GALNT13: variants seen among roughly 807,000 people sequenced by gnomAD.
GALNT13 encodes UDP-GalNAc:polypeptide N-acetylgalactosaminyltransferase 13.
Under a neutral mutation model 64.2 loss-of-function variants are expected in GALNT13, and 28 were observed. That is an observed-to-expected ratio of 0.44 (90% CI 0.32 to 0.60). GALNT13 has a LOEUF of 0.60. Among genes scored for constraint, GALNT13 ranks in the 20% least tolerant of loss-of-function variants. GALNT13 has a pLI of 0.05. For missense variants in GALNT13, 577 were observed against 669.8 expected, an observed-to-expected ratio of 0.86 and a Z score of 1.53; for synonymous variants, 214 against 224.6, an observed-to-expected ratio of 0.95 and a Z score of 0.42.
chr2:153,106,346 C>T, the GALNT13 span, among the ~76,000 whole-genome samples: 4 of 152,072 alleles, frequency 2.6e-5, no homozygotes, highest in African/African-American at 9.7e-5. Context: ...CTTTTCTGAA[C>T]TTAACCCGTC....
chr2:153,402,627 C>A, the GALNT13 span, among the ~76,000 whole-genome samples: 1 of 152,066 alleles, frequency 6.6e-6, no homozygotes, highest in African/African-American at 2.4e-5. Flanking sequence ...TTTCTCATTT[C>A]TTTTTATTCT....
At chr2:154,167,361 G>A (rs1046657549) in intron 4 of GALNT13, among the ~76,000 whole-genome samples, 1 of 151,988 alleles carries the variant, frequency 6.6e-6, no homozygotes, top group Non-Finnish European at 1.5e-5. Flanking sequence ...GGCACATATA[G>A]CACTTTTAAA....
At chr2:153,377,856 C>T in the GALNT13 span, among the ~76,000 whole-genome samples, 4 of 151,942 alleles carry the variant, frequency 2.6e-5, no homozygotes, top group Non-Finnish European at 5.9e-5. Flanking sequence ...AAAGAGAGTT[C>T]GAGAACCAGC....
intron 3 of GALNT13, among the ~76,000 whole-genome samples, chr2:153,993,106 G>A (rs771812445): frequency 1.3e-5 from 2 of 151,882 alleles, no homozygotes; most frequent in Non-Finnish European, 2.9e-5. Context: ...ATATATTTAC[G>A]ACTAATATAT....
chr2:154,236,007 T>A, intron 4 of GALNT13: 1 of 1,146,956 alleles, frequency 8.7e-7, no homozygotes, highest in Non-Finnish European at 1.2e-6. Context: ...CCAAAGTAGA[T>A]CAGCTGGATT....
At chr2:153,644,589 C>T in the GALNT13 span, among the ~76,000 whole-genome samples, 1 of 151,928 alleles carries the variant, frequency 6.6e-6, no homozygotes. Context: ...TACTACTTGT[C>T]CTGGCCCCTA....
the GALNT13 span, among the ~76,000 whole-genome samples, chr2:153,734,211 G>C: frequency 6.6e-6 from 1 of 152,130 alleles, no homozygotes; most frequent in Non-Finnish European, 1.5e-5. Context: ...TGCACTGTAA[G>C]ACATTGACCA....
rs1445253595 is a variant in GALNT13 at position 154,388,279 on chromosome 2, G to T, written c.1157-7712G>T. ...TAATCAGGTGTTCTCTTGTTTTTGA[G>T]TTGAGTTCCTCATGTATTTCAGATT... On this transcript the variant is annotated intron_variant, in intron 9 of 12. Coordinates refer to ENST00000392825, the MANE Select transcript of GALNT13 (RefSeq NM_052917.4). 2.0e-5 allele frequency among the ~76,000 whole-genome samples: 3 copies of T among 152,092 alleles called. No individual in the cohort carries two copies. In the East Asian group the frequency reaches 5.8e-4, roughly 29 times the overall value.
chr2:153,691,772 A>G, the GALNT13 span, among the ~76,000 whole-genome samples: 2 of 152,202 alleles, frequency 1.3e-5, no homozygotes, highest in African/African-American at 2.4e-5. Flanking sequence ...CTAGAACTCA[A>G]TACACTACTG....
At chr2:153,744,233 G>A in the GALNT13 span, among the ~76,000 whole-genome samples, 2 of 151,964 alleles carry the variant, frequency 1.3e-5, no homozygotes, top group South Asian at 2.1e-4. Context: ...TCAATTTTTA[G>A]TTTTTTTGAG....
chr2:153,630,798 T>C, the GALNT13 span, among the ~76,000 whole-genome samples: 1 of 13,492 alleles, frequency 7.4e-5, no homozygotes, highest in African/African-American at 2.4e-4. Context: ...TATATATATA[T>C]ATATATATAT....
chr2:153,522,188 G>A, the GALNT13 span, among the ~76,000 whole-genome samples: 1 of 151,984 alleles, frequency 6.6e-6, no homozygotes, highest in Non-Finnish European at 1.5e-5. Flanking sequence ...CAAAAAATTA[G>A]TCAGGTGTGG....
the GALNT13 span, among the ~76,000 whole-genome samples, chr2:153,353,228 GTTTT>G: frequency 1.3e-5 from 2 of 151,952 alleles, no homozygotes; most frequent in Admixed American, 1.3e-4. Context: ...TAATGTAAAT[GTTTT>G]TTTATTTCAA....
At chr2:154,160,932 G>C (rs188661544) in intron 4 of GALNT13, among the ~76,000 whole-genome samples, 174 of 152,248 alleles carry the variant, frequency 1.1e-3, no homozygotes, top group African/African-American at 4.1e-3. Flanking sequence ...GCTTCTTTTA[G>C]AATTTGGGGG....
Position 154,443,045 on chromosome 2 carries a change from A to G in GALNT13, c.1530+4319A>G, listed in dbSNP as rs1701382594. On this transcript the variant is annotated intron_variant, in intron 12 of 12. Transcript: ENST00000392825. The stretch of plus-strand genomic sequence containing the variant: ...CATCTTTTATTTACCTTTATTAGAG[A>G]GCAGGTAAATGGGATTATAATTTCA... Among the ~76,000 whole-genome samples the G allele has an allele frequency of 2.0e-5, 3 of 152,028 alleles. No individual in the cohort carries two copies. The South Asian group carries it at 6.2e-4, about 31-fold the overall frequency.
At chr2:154,393,341 C>CTTTT (rs1312776406) in intron 9 of GALNT13, among the ~76,000 whole-genome samples, 1 of 152,176 alleles carries the variant, frequency 6.6e-6, no homozygotes, top group Non-Finnish European at 1.5e-5. Context: ...GAAAAGAAAG[C>CTTTT]TCTCATACTT....
chr2:153,515,554 C>T, the GALNT13 span, among the ~76,000 whole-genome samples: 4 of 152,134 alleles, frequency 2.6e-5, no homozygotes, highest in African/African-American at 7.2e-5. Flanking sequence ...AAGGCAGCAT[C>T]GGTGAGCAAG....
the GALNT13 span, among the ~76,000 whole-genome samples, chr2:153,648,636 T>G: frequency 6.6e-6 from 1 of 152,144 alleles, no homozygotes; most frequent in African/African-American, 2.4e-5. Flanking sequence ...TTGAGATACG[T>G]CCCATCAATA....
chr2:153,593,237 C>A, the GALNT13 span: 1 of 152,202 alleles, frequency 6.6e-6, no homozygotes, highest in Admixed American at 6.6e-5. Flanking sequence ...TTGGGGGTAC[C>A]CAGTGAGAGT....
Sources: allele counts gnomAD v4.1 joint callset (sites outside exome capture counted in the v4.1 genomes callset), GRCh38; gene constraint gnomAD v4.1.1; transcripts MANE v1.5; gene names NCBI Gene and HGNC (gene_info 2026-07-23, HGNC 2026-07-21).